SMC6: variants seen among roughly 807,000 people sequenced by gnomAD.
The protein encoded by SMC6 is structural maintenance of chromosomes protein 6.
In SMC6, 79 loss-of-function variants were observed where a neutral mutation model predicts 142.2. The ratio of observed to expected loss-of-function variants is 0.56; its 90% CI spans 0.46 to 0.67. The LOEUF (loss-of-function observed/expected upper bound fraction) is 0.67. SMC6 is among the 30% of genes least tolerant of loss of function. SMC6 has a pLI of 0.00. For missense variants in SMC6, 1,072 were observed against 1,284.0 expected (o/e 0.83, Z 2.52); for synonymous variants, 411 against 412.4 (o/e 1.00, Z 0.04).
At chr2:17,733,647 T>C (rs1670012027) in intron 5 of SMC6, among the ~76,000 whole-genome samples, 1 of 152,206 alleles carries the variant, frequency 6.6e-6, no homozygotes, top group African/African-American at 2.4e-5. Context: ...AGTCGAGAGA[T>C]GGTGAATCCT....
chr2:17,694,064 G>A (rs1278567455), intron 23 of SMC6, among the ~76,000 whole-genome samples: 3 of 151,566 alleles, frequency 2.0e-5, no homozygotes, highest in Non-Finnish European at 2.9e-5. Flanking sequence ...AGATGGAACT[G>A]GAGGTCATTG....
At chr2:17,701,348 C>G (rs886131777) in intron 20 of SMC6, among the ~76,000 whole-genome samples, 5 of 151,734 alleles carry the variant, frequency 3.3e-5, no homozygotes, top group Admixed American at 1.3e-4. Context: ...GTGTCATAAA[C>G]AGATTCCCGA....
chr2:17,738,417 G>A (rs768300228), intron 4 of SMC6, 91 bp from the exon 5 acceptor site: 17 of 724,230 alleles, frequency 2.3e-5, no homozygotes, highest in Non-Finnish European at 3.4e-5. Context: ...ATTTATGAAT[G>A]AGACTCACTT....
Position 17,739,585 on chromosome 2 carries a change from T to C in SMC6, c.239-1259A>G, listed in dbSNP as rs553504212. Among the ~76,000 whole-genome samples the C allele has an allele frequency of 4.6e-5, 7 of 152,022 alleles. No individual in the cohort carries two copies. The South Asian group carries it at 1.5e-3, about 32-fold the overall frequency. Reference sequence around the variant, plus strand: ...ACTTGAACCTGGGAGGTAGAGGTTATAGTGAGCCAAGATAGCACCACTGCA... The same window carrying C: ...ACTTGAACCTGGGAGGTAGAGGTTACAGTGAGCCAAGATAGCACCACTGCA... On this transcript the variant is annotated intron_variant, in intron 4 of 27. Transcript: ENST00000448223.
chr2:17,717,248 A>T, intron 12 of SMC6, 72 bp from the exon 13 acceptor site: 1 of 1,070,536 alleles, frequency 9.3e-7, no homozygotes, highest in Admixed American at 2.3e-5. Context: ...ACTTTTGTCA[A>T]ATCTTCAGAG....
At chr2:17,690,595 T>C (rs1361906808) in intron 23 of SMC6, among the ~76,000 whole-genome samples, 4 of 150,102 alleles carry the variant, frequency 2.7e-5, no homozygotes, top group Non-Finnish European at 4.4e-5. Context: ...TTTCAAAAAA[T>C]CAAACAAACA....
chr2:17,702,388 T>C (rs931687587), intron 19 of SMC6, among the ~76,000 whole-genome samples: 9 of 152,198 alleles, frequency 5.9e-5, no homozygotes, highest in African/African-American at 1.9e-4. Flanking sequence ...TTTATAAATA[T>C]ATGATTTGTA....
chr2:17,705,604 G>A (rs914824904), intron 18 of SMC6, among the ~76,000 whole-genome samples: 2 of 152,064 alleles, frequency 1.3e-5, no homozygotes, highest in African/African-American at 2.4e-5. Context: ...AACAAACTTC[G>A]GAAACTACAG....
In SMC6 at chr2:17,714,907, T is replaced by A; in HGVS notation, c.1684A>T (p.Ile562Leu). The A allele has an allele frequency of 6.2e-7, 1 of 1,613,464 alleles. No homozygotes were observed. Among genetic ancestry groups the A allele is most frequent in the Non-Finnish European group, 8.5e-7 (1 of 1,179,798 alleles). ...TCATTCCGAAACTCAGAAACTATTA[T>A]CGGTGGCCGTGAGGTCCCTGGTAAA... ...FYLPGTSRPP[I>L]IVSEFRNEIY... Residue 562 changes from isoleucine to leucine, a missense_variant, in exon 16 of 28, where the codon ATA (isoleucine) becomes TTA (leucine). This residue lies in a region of SMC6 where 994 missense variants were observed against 1,153.2 expected (regional missense o/e 0.86). Transcript: ENST00000448223.
chr2:17,728,137 G>A (rs536317475), intron 7 of SMC6, among the ~76,000 whole-genome samples: 4 of 152,042 alleles, frequency 2.6e-5, no homozygotes, highest in Non-Finnish European at 5.9e-5. Flanking sequence ...CTCCTCTTGG[G>A]ATTATTTAAG....
At chr2:17,750,016 C>T (rs998554317) in intron 2 of SMC6, among the ~76,000 whole-genome samples, 1 of 152,114 alleles carries the variant, frequency 6.6e-6, no homozygotes, top group African/African-American at 2.4e-5. Flanking sequence ...TTTGAATGTG[C>T]TTAATTAAGT....
intron 21 of SMC6, among the ~76,000 whole-genome samples, chr2:17,699,133 G>A (rs183662096): frequency 1.9e-3 from 295 of 151,558 alleles, no homozygotes; most frequent in Admixed American, 0.018. Flanking sequence ...TTTCCTTCCT[G>A]ATGTTCCAAG....
At chr2:17,715,229 T>C (rs1409183140) in intron 15 of SMC6, among the ~76,000 whole-genome samples, 164 bp from the exon 16 acceptor site, 1 of 152,210 alleles carries the variant, frequency 6.6e-6, no homozygotes, top group African/African-American at 2.4e-5. Context: ...TTTAACATAC[T>C]TTTATATAAA....
chr2:17,699,686 G>A (rs1275479195), intron 21 of SMC6, among the ~76,000 whole-genome samples: 3 of 150,178 alleles, frequency 2.0e-5, no homozygotes, highest in Non-Finnish European at 4.4e-5. Flanking sequence ...TCAGATTTAT[G>A]AGGAATAACA....
At chr2:17,727,116 G>A (rs1219703466) in intron 7 of SMC6, among the ~76,000 whole-genome samples, 1 of 152,098 alleles carries the variant, frequency 6.6e-6, no homozygotes, top group Non-Finnish European at 1.5e-5. Context: ...TTTGCCTAAC[G>A]TGATGGTTAT....
chr2:17,716,811 A>G lies in SMC6; in HGVS notation c.1276T>C (p.Ser426Pro), dbSNP rs1324081648. The change falls in exon 14 of 28, where the codon TCA becomes CCA. Residue 426 changes from serine (S) to proline (P), a missense_variant. Physicochemically the swap from Ser to Pro is moderately conservative, Grantham distance 74 (BLOSUM62 -1). Coordinates refer to ENST00000448223, the MANE Select transcript of SMC6 (RefSeq NM_001142286.2). ...RVKAFQNQEN[S>P]VNQEIEQFQQ... ...AACTGTTCGATCTCTTGATTGACTG[A>G]ATTTTCTTGATTTTGAAAGGCCTTT... 1 of 1,613,592 alleles carries G rather than the reference A, an allele frequency of 6.2e-7. No individual in the cohort carries two copies. The highest frequency in any genetic ancestry group is 1.7e-5 in the Admixed American group (1 of 59,976).
Position 17,716,552 on chromosome 2 carries a change from G to C in SMC6, c.1346+189C>G, listed in dbSNP as rs16983791. On this transcript the variant is annotated intron_variant, in intron 14 of 27. Transcript: ENST00000448223. ...TTGAAAAGTGATTTTAAAAGATCCA[G>C]CTGGCTGTAGGTGCACTGCCAATGA... is the stretch of plus-strand genomic sequence containing the variant. 0.15 allele frequency among the ~76,000 whole-genome samples: 23,088 copies of C among 152,164 alleles called. 2,237 individuals are homozygous for C. The highest frequency in any genetic ancestry group is 0.28 in the African/African-American group (11,677 of 41,490).
chr2:17,721,287 GTA>G, intron 9 of SMC6, 26 bp from the exon 10 acceptor site: 9 of 1,527,210 alleles, frequency 5.9e-6, no homozygotes, highest in Non-Finnish European at 7.9e-6. Flanking sequence ...CAGAACGGAC[GTA>G]TTTTTTATTA....
chr2:17,719,608 GA>G (rs1348407974), intron 11 of SMC6, among the ~76,000 whole-genome samples: 2 of 152,150 alleles, frequency 1.3e-5, no homozygotes, highest in Admixed American at 6.6e-5. Flanking sequence ...GCTTGAGGAG[GA>G]AAGTATTTAA....
Sources: allele counts gnomAD v4.1 joint callset (sites outside exome capture counted in the v4.1 genomes callset), GRCh38; gene constraint gnomAD v4.1.1; regional missense constraint gnomAD v4.1.1; transcripts MANE v1.5; gene names NCBI Gene and HGNC (gene_info 2026-07-23, HGNC 2026-07-21).